The following PCDH15 variants were observed in gnomAD, a reference collection of about 807,000 sequenced individuals.
The protein encoded by PCDH15 is protocadherin related 15, also known as protocadherin-15.
A neutral mutation model predicts 178.5 loss-of-function variants in PCDH15; 129 were observed. The ratio of observed to expected loss-of-function variants is 0.72; its 90% CI spans 0.63 to 0.84. The LOEUF is 0.84. Among genes scored for constraint, PCDH15 ranks in the 40% least tolerant of loss-of-function variants. PCDH15 has a pLI of 0.00. For synonymous variants in PCDH15, 800 were observed against 732.0 expected (o/e 1.09, Z -1.50); for missense variants, 2,230 against 2,099.9 (o/e 1.06, Z -1.21).
intron 37 of PCDH15, among the ~76,000 whole-genome samples, chr10:53,807,442 A>G (rs932862830): frequency 3.3e-5 from 5 of 152,182 alleles, no homozygotes; most frequent in African/African-American, 1.2e-4. Flanking sequence ...CTTTTATTTA[A>G]GGAGCTGATC....
rs2384519 is a variant in PCDH15, at chr10:54,660,221, C to T, written c.91+3951G>A. On this transcript the variant is annotated intron_variant, in intron 2 of 37. Coordinates refer to ENST00000644397, the MANE Select transcript of PCDH15 (RefSeq NM_001384140.1). ...GGAACAAAAAGAGAAGATTCTAATA[C>T]GCACAATCAGAAATAATAAAAATGT... Among the ~76,000 whole-genome samples, 960 of 152,036 alleles carry T rather than the reference C, an allele frequency of 6.3e-3. 7 individuals carry two copies. The highest frequency in any genetic ancestry group is 0.022 in the African/African-American group (916 of 41,498).
At chr10:54,033,860 A>G (rs2135446416) in intron 18 of PCDH15, among the ~76,000 whole-genome samples, 1 of 151,858 alleles carries the variant, frequency 6.6e-6, no homozygotes, top group South Asian at 2.1e-4. Flanking sequence ...CCAAGTTTTA[A>G]TTTTCTTTTT....
chr10:54,359,064 G>T (rs960903882), intron 5 of PCDH15, among the ~76,000 whole-genome samples: 5 of 151,094 alleles, frequency 3.3e-5, no homozygotes, highest in African/African-American at 1.2e-4. Context: ...AATGCTAAAT[G>T]ACGAGTTAAT....
In PCDH15 at chr10:54,666,243, A is replaced by G. The variant is rs2094570051; in HGVS notation, c.-28-1953T>C. 2.0e-5 allele frequency among the ~76,000 whole-genome samples: 3 copies of G among 152,088 alleles called. No homozygotes were observed. The South Asian group carries it at 6.2e-4, about 31-fold the overall frequency. ...TCTTAAATACAGATTTACTCAATCT[A>G]TCTTTAGCAAGGGCTGGAAAGTAGA... On this transcript the variant is annotated intron_variant, in intron 1 of 37. Coordinates refer to ENST00000644397, the MANE Select transcript of PCDH15 (RefSeq NM_001384140.1).
intron 3 of PCDH15, among the ~76,000 whole-genome samples, chr10:54,839,516 T>G (rs866177272): frequency 6.6e-6 from 1 of 152,026 alleles, no homozygotes; most frequent in Non-Finnish European, 1.5e-5. Flanking sequence ...AGAGGATCCA[T>G]GGACAGCATC....
chr10:54,335,226 C>G (rs891037098), intron 6 of PCDH15, among the ~76,000 whole-genome samples: 1 of 152,192 alleles, frequency 6.6e-6, no homozygotes, highest in African/African-American at 2.4e-5. Flanking sequence ...TCCCAACACT[C>G]TAATCATTTT....
chr10:53,956,065 T>C (rs1436562664), intron 23 of PCDH15, among the ~76,000 whole-genome samples: 1 of 152,162 alleles, frequency 6.6e-6, no homozygotes, highest in Non-Finnish European at 1.5e-5. Flanking sequence ...TTTTGCAATA[T>C]GAATGAGAAT....
At chr10:54,601,924 C>A (rs1377374304) in intron 2 of PCDH15, among the ~76,000 whole-genome samples, 1 of 151,740 alleles carries the variant, frequency 6.6e-6, no homozygotes, top group Non-Finnish European at 1.5e-5. Flanking sequence ...TAAGTGGGAG[C>A]TAAATGATGA....
intron 17 of PCDH15, among the ~76,000 whole-genome samples, chr10:54,071,500 A>G (rs776833509): frequency 2.0e-5 from 3 of 152,188 alleles, no homozygotes; most frequent in East Asian, 1.9e-4. Context: ...TAATTTTTAC[A>G]TCTTTTGACA....
chr10:55,581,892 A>G (rs1356373234), intron 2 of PCDH15, among the ~76,000 whole-genome samples: 2 of 152,116 alleles, frequency 1.3e-5, no homozygotes, highest in African/African-American at 4.8e-5. Context: ...TCTGTCACCC[A>G]GGCTGGAGTG....
intron 1 of PCDH15, among the ~76,000 whole-genome samples, chr10:54,689,803 A>G (rs942489071): frequency 6.6e-5 from 10 of 152,314 alleles, no homozygotes; most frequent in African/African-American, 1.9e-4. Flanking sequence ...AGTGTGCTCT[A>G]TAAGACAAGT....
intron 3 of PCDH15, among the ~76,000 whole-genome samples, chr10:54,510,910 A>G (rs2081591543): frequency 6.6e-6 from 1 of 152,150 alleles, no homozygotes; most frequent in Admixed American, 6.6e-5. Context: ...GATACTAAAG[A>G]GGGAGAAGTG....
chr10:55,373,488 G>T (rs947682592), intron 2 of PCDH15, among the ~76,000 whole-genome samples: 1 of 151,932 alleles, frequency 6.6e-6, no homozygotes, highest in Non-Finnish European at 1.5e-5. Flanking sequence ...ATGCAAGAAA[G>T]CTGAGTGATA....
intron 2 of PCDH15, among the ~76,000 whole-genome samples, chr10:54,900,671 G>A (rs1334159695): frequency 2.0e-5 from 3 of 152,080 alleles, no homozygotes; most frequent in Non-Finnish European, 4.4e-5. Context: ...TAAACAAAAA[G>A]TTTATATATG....
At chr10:54,520,089 A>C (rs1009193669) in intron 3 of PCDH15, among the ~76,000 whole-genome samples, 3 of 152,232 alleles carry the variant, frequency 2.0e-5, no homozygotes, top group Admixed American at 2.0e-4. Flanking sequence ...CTTATATGTT[A>C]CACTTAAAGC....
At chr10:55,017,376 A>C (rs1840209165) in intron 2 of PCDH15, among the ~76,000 whole-genome samples, 1 of 152,146 alleles carries the variant, frequency 6.6e-6, no homozygotes, top group Admixed American at 6.5e-5. Context: ...ATGTGTGTAA[A>C]ATATAGTTTG....
intron 1 of PCDH15, among the ~76,000 whole-genome samples, chr10:54,761,081 G>T (rs143549281): frequency 3.0e-4 from 46 of 152,116 alleles, no homozygotes; most frequent in African/African-American, 9.6e-4. Context: ...GGACTTGCCT[G>T]CCTCTTTGTC....
At position 54,185,228 on chromosome 10, in the gene PCDH15, G is replaced by A. The variant is rs750190619; in HGVS notation, c.1346C>T (p.Thr449Ile). Reference sequence around the variant, plus strand: ...AGTCTGTGTGACGGTGAAGACTGAGGTGTAGTCATTCAGAAAAAGGTGAAG... The same window carrying A: ...AGTCTGTGTGACGGTGAAGACTGAGATGTAGTCATTCAGAAAAAGGTGAAG... ...PELHLFLNDY[T>I]SVFTVTQTGI... The change falls in exon 12 of 38, where the codon ACC becomes ATC. Residue 449 changes from threonine (T) to isoleucine (I), a missense_variant. Transcript: ENST00000644397. 1.9e-6 allele frequency: 3 copies of A among 1,613,370 alleles called. No homozygotes were observed. The highest frequency in any genetic ancestry group is 2.2e-5 in the East Asian group (1 of 44,814).
chr10:55,624,441 C>T (rs1477785428), intron 2 of PCDH15, among the ~76,000 whole-genome samples: 1 of 151,758 alleles, frequency 6.6e-6, no homozygotes, highest in Non-Finnish European at 1.5e-5. Context: ...CTAGAAGCCA[C>T]CCGACACTTT....
Sources: gnomAD v4.1 joint callset for allele counts (sites outside exome capture counted in the v4.1 genomes callset) on GRCh38, gnomAD v4.1.1 for gene constraint, MANE v1.5 for transcripts, NCBI Gene and HGNC (gene_info 2026-07-23, HGNC 2026-07-21) for gene names.